PARD3B: variants seen among roughly 807,000 people sequenced by gnomAD.
PARD3B encodes the protein partitioning defective 3 homolog B.
Under a neutral mutation model 130.2 loss-of-function variants are expected in PARD3B, and 103 were observed. That is an observed-to-expected ratio of 0.79 (90% CI 0.67 to 0.93). The LOEUF (loss-of-function observed/expected upper bound fraction) is 0.93. PARD3B is among the 40% of genes least tolerant of loss of function. The pLI, the probability that PARD3B is intolerant of heterozygous loss-of-function variation, is 0.00. For missense variants in PARD3B, 1,609 were observed against 1,499.2 expected, an observed-to-expected ratio of 1.07 and a Z score of -1.21; for synonymous variants, 583 against 553.2, an observed-to-expected ratio of 1.05 and a Z score of -0.76.
chr2:204,766,328 A>G (rs1240220792), intron 2 of PARD3B, among the ~76,000 whole-genome samples: 2 of 152,190 alleles, frequency 1.3e-5, no homozygotes, highest in African/African-American at 4.8e-5. Flanking sequence ...TAATATTCTC[A>G]TTATAAAAAC....
intron 18 of PARD3B, among the ~76,000 whole-genome samples, chr2:205,399,691 T>C (rs1254251232): frequency 6.6e-6 from 1 of 152,168 alleles, no homozygotes; most frequent in Non-Finnish European, 1.5e-5. Flanking sequence ...GCAGTTTTCA[T>C]TTTCCTAAAA....
In PARD3B at chr2:205,239,049, A is replaced by T. The variant is rs558452996; in HGVS notation, c.2141-6729A>T. ...TGAACACCTACTTCTGTTAGGTTTC[A>T]TGATAAATTTTTACATCAAGTTGTC... On this transcript the variant is annotated intron_variant, in intron 15 of 22. Transcript: ENST00000406610. Among the ~76,000 whole-genome samples, 10 of 151,314 alleles carry T rather than the reference A, an allele frequency of 6.6e-5. No homozygotes were observed. The East Asian group carries it at 2.0e-3, about 30-fold the overall frequency.
chr2:204,556,779 T>G (rs544991015), intron 1 of PARD3B, among the ~76,000 whole-genome samples: 108 of 152,324 alleles, frequency 7.1e-4, no homozygotes, highest in African/African-American at 2.5e-3. Flanking sequence ...TGTATAAACT[T>G]AAAATGGAGC....
chr2:204,774,488 T>C (rs1405923585), intron 2 of PARD3B, among the ~76,000 whole-genome samples: 1 of 152,110 alleles, frequency 6.6e-6, no homozygotes, highest in East Asian at 1.9e-4. Context: ...CAGCAAATGC[T>C]GGTTATTTTG....
At chr2:205,422,319 G>A (rs940296461) in intron 19 of PARD3B, among the ~76,000 whole-genome samples, 5 of 152,174 alleles carry the variant, frequency 3.3e-5, no homozygotes, top group South Asian at 2.1e-4. Flanking sequence ...AGTGGATAGC[G>A]TCACAGATCA....
chr2:204,914,278 A>G (rs2047360182), intron 2 of PARD3B, among the ~76,000 whole-genome samples: 1 of 151,918 alleles, frequency 6.6e-6, no homozygotes, highest in Non-Finnish European at 1.5e-5. Context: ...CTCACCCTTC[A>G]ATGTGTCTGC....
intron 1 of PARD3B, among the ~76,000 whole-genome samples, chr2:204,594,479 T>G (rs113026401): frequency 2.4e-3 from 360 of 152,290 alleles, no homozygotes; most frequent in African/African-American, 8.3e-3. Context: ...TTTATCTCTA[T>G]CTTAACAGGT....
chr2:204,824,310 A>G lies in PARD3B; in HGVS notation c.222+138028A>G, dbSNP rs1027809918. ...ATTATTTTTATCTTGGAGCCTCTGC[A>G]CAGCTGCAATAAATAGGCTGGCTGT... On this transcript the variant is annotated intron_variant, in intron 2 of 22. Coordinates refer to ENST00000406610, the MANE Select transcript of PARD3B (RefSeq NM_001302769.2). 9.8e-5 allele frequency among the ~76,000 whole-genome samples: 15 copies of G among 152,308 alleles called. No homozygotes were observed. The East Asian group carries it at 2.5e-3, about 26-fold the overall frequency.
At position 205,473,440 on chromosome 2, in the gene PARD3B, ACT is replaced by A. The variant is rs1299998235; in HGVS notation, c.3045-26451_3045-26450del. 6.6e-6 allele frequency among the ~76,000 whole-genome samples: 1 copy of A among 151,858 alleles called. No homozygotes were observed. Among genetic ancestry groups the A allele is most frequent in the Non-Finnish European group, 1.5e-5 (1 of 67,928 alleles). On this transcript the variant is annotated intron_variant, in intron 20 of 22. Coordinates refer to ENST00000406610, the MANE Select transcript of PARD3B (RefSeq NM_001302769.2). The surrounding 1 kb of genome is among the most constrained non-coding windows in gnomAD (Gnocchi z 4.9). ...CTCAGCCCATTGTGTCTAAATGTTA[ACT>A]CTCTTATTAAGCTCCATTAAAGGGT...
intron 2 of PARD3B, among the ~76,000 whole-genome samples, chr2:204,911,662 C>A (rs968161435): frequency 3.9e-4 from 59 of 152,112 alleles, no homozygotes; most frequent in African/African-American, 6.0e-4. Flanking sequence ...GTACTTGTAT[C>A]TTAGGGCATA....
chr2:204,732,110 A>G (rs900365993), intron 2 of PARD3B, among the ~76,000 whole-genome samples: 1 of 151,854 alleles, frequency 6.6e-6, no homozygotes, highest in Non-Finnish European at 1.5e-5. Flanking sequence ...TAAAAAAGTG[A>G]AAGTGTGTCC....
chr2:205,006,180 A>G (rs1026682220), intron 3 of PARD3B, among the ~76,000 whole-genome samples: 3 of 152,258 alleles, frequency 2.0e-5, no homozygotes, highest in Admixed American at 1.3e-4. Context: ...TCCACGGTGT[A>G]TATATACCAC....
intron 3 of PARD3B, among the ~76,000 whole-genome samples, chr2:205,033,391 A>G (rs932708824): frequency 6.6e-6 from 1 of 152,120 alleles, no homozygotes; most frequent in Non-Finnish European, 1.5e-5. Flanking sequence ...AATGCTATAG[A>G]TTATCTCCTT....
intron 2 of PARD3B, among the ~76,000 whole-genome samples, chr2:204,836,920 GT>G (rs2044056064): frequency 6.6e-6 from 1 of 152,076 alleles, no homozygotes; most frequent in Non-Finnish European, 1.5e-5. Context: ...ATAAAAATGA[GT>G]TTTTACATGC....
Position 205,158,666 on chromosome 2 carries a change from T to C in PARD3B, c.1435-56T>C. On this transcript the variant is annotated intron_variant, in intron 10 of 22. Coordinates refer to ENST00000406610, the MANE Select transcript of PARD3B (RefSeq NM_001302769.2). The surrounding 1 kb of genome is among the most constrained non-coding windows in gnomAD (Gnocchi z 5.4). ...ATCTGTGTCTGGTCATCTGAGAGAG[T>C]GAAATATTAATCTGCTTTCTTCTCT... 6.7e-7 allele frequency: 1 copy of C among 1,491,036 alleles called. No individual in the cohort carries two copies. The highest frequency in any genetic ancestry group is 9.2e-7 in the Non-Finnish European group (1 of 1,089,884). 92.4% of individuals were successfully genotyped at this position (1,491,036 alleles called of 1,614,324 possible).
At chr2:205,305,908 C>T (rs76862281) in intron 18 of PARD3B, among the ~76,000 whole-genome samples, 2 of 152,244 alleles carry the variant, frequency 1.3e-5, no homozygotes, top group East Asian at 1.9e-4. Flanking sequence ...TCCCAACCCC[C>T]AGTACTTGTG....
At chr2:205,417,771 G>A (rs2046830597) in intron 19 of PARD3B, among the ~76,000 whole-genome samples, 1 of 152,146 alleles carries the variant, frequency 6.6e-6, no homozygotes, top group South Asian at 2.1e-4. Flanking sequence ...CTGAAACACA[G>A]AAATTTTTCT....
chr2:204,965,066 C>A, intron 2 of PARD3B, 86 bp from the exon 3 acceptor site: 1 of 1,337,710 alleles, frequency 7.5e-7, no homozygotes, highest in South Asian at 1.6e-5. Context: ...TTCTTTGCAA[C>A]CAAATAAAGA....
chr2:205,011,346 G>A lies in PARD3B; in HGVS notation c.395-36235G>A, dbSNP rs961442895. On this transcript the variant is annotated intron_variant, in intron 3 of 22. Coordinates refer to ENST00000406610, the MANE Select transcript of PARD3B (RefSeq NM_001302769.2). The surrounding 1 kb of genome is among the most constrained non-coding windows in gnomAD (Gnocchi z 4.1). Reference sequence around the variant, plus strand: ...GGCTCACTCCTCAGCTCACATGTGTGGGTGCTGGCAGTCCTAATTTCCTCA... The same window carrying A: ...GGCTCACTCCTCAGCTCACATGTGTAGGTGCTGGCAGTCCTAATTTCCTCA... 1.3e-5 allele frequency among the ~76,000 whole-genome samples: 2 copies of A among 152,088 alleles called. No individual in the cohort carries two copies. Among genetic ancestry groups the A allele is most frequent in the African/African-American group, 4.8e-5 (2 of 41,418 alleles).
Sources: allele counts gnomAD v4.1 joint callset (sites outside exome capture counted in the v4.1 genomes callset), GRCh38; gene constraint gnomAD v4.1.1; non-coding constraint Gnocchi (gnomAD v3.1); transcripts MANE v1.5; gene names NCBI Gene and HGNC (gene_info 2026-07-23, HGNC 2026-07-21).